OTULIN: variants seen among roughly 807,000 people sequenced by gnomAD.
OTULIN encodes ubiquitin thioesterase otulin.
In OTULIN, 15 loss-of-function variants were observed where a neutral mutation model predicts 39.6. The ratio of observed to expected loss-of-function variants is 0.38; its 90% CI spans 0.25 to 0.58. The LOEUF (loss-of-function observed/expected upper bound fraction) is 0.58. Among genes scored for constraint, OTULIN ranks in the 20% least tolerant of loss-of-function variants. The pLI is 0.66. For missense variants in OTULIN, 319 were observed against 445.9 expected (o/e 0.72, Z 2.56); for synonymous variants, 156 against 170.3 (o/e 0.92, Z 0.65).
chr5:14,703,588 A>C (rs1207605002), downstream of OTULIN, among the ~76,000 whole-genome samples: 1 of 152,110 alleles, frequency 6.6e-6, no homozygotes, highest in Non-Finnish European at 1.5e-5. Flanking sequence ...AGGGGAAAGC[A>C]TGGGTTGGGG....
intron 5 of OTULIN, among the ~76,000 whole-genome samples, chr5:14,688,167 AT>A (rs1736432764): frequency 6.6e-6 from 1 of 152,020 alleles, no homozygotes; most frequent in South Asian, 2.1e-4. Flanking sequence ...ATTCCTATTG[AT>A]TTGGTCTTTG....
At position 14,690,181 on chromosome 5, in the gene OTULIN, A is replaced by T; in HGVS notation, c.737A>T (p.Asp246Val). ...AACAGAGCCATTGAACTATATAATG[A>T]TAAAGAGAAAGGAAAGGAAGTACCA... ...MLNRAIELYN[D>V]KEKGKEVPFF... The change falls in exon 6 of 7, where the codon GAT becomes GTT. Residue 246 changes from aspartate (D) to valine (V), a missense_variant. Physicochemically the swap from Asp to Val is radical, Grantham distance 152. Around this residue, in one of 4 missense-constraint regions of OTULIN, gnomAD observed 106 missense variants for 192.8 expected, o/e 0.55. Transcript: ENST00000284274. This position sits in a 1 kb window ranked among gnomAD's most constrained non-coding sequence, Gnocchi z 4.5. 1 of 1,614,230 alleles carries T rather than the reference A, an allele frequency of 6.2e-7. No individual in the cohort carries two copies. Among genetic ancestry groups the T allele is most frequent in the Non-Finnish European group, 8.5e-7 (1 of 1,180,036 alleles).
intron 2 of OTULIN, among the ~76,000 whole-genome samples, chr5:14,675,124 C>G (rs1020056773): frequency 1.3e-5 from 2 of 152,158 alleles, no homozygotes; most frequent in Non-Finnish European, 2.9e-5. Context: ...GATGTCTTAT[C>G]CTTCTTAGTG....
chr5:14,710,727 G>T, the OTULIN span: 2 of 198,308 alleles, frequency 1.0e-5, no homozygotes, highest in African/African-American at 2.3e-5. Context: ...CCATCTCTTT[G>T]TACGGCCATG....
chr5:14,689,768 T>A (rs771160585), intron 5 of OTULIN, among the ~76,000 whole-genome samples: 4 of 152,342 alleles, frequency 2.6e-5, no homozygotes, highest in Non-Finnish European at 2.9e-5. Context: ...TCAATCTCAT[T>A]GCCTGGGAAG....
chr5:14,711,141 A>C, the OTULIN span: 1 of 1,399,618 alleles, frequency 7.1e-7, no homozygotes, highest in African/African-American at 1.4e-5. Context: ...GGAAGAGATG[A>C]TGCCGAAGTG....
At chr5:14,702,322 G>A (rs1736813275), downstream of OTULIN, among the ~76,000 whole-genome samples, 1 of 152,160 alleles carries the variant, frequency 6.6e-6, no homozygotes, top group Non-Finnish European at 1.5e-5. Flanking sequence ...GATGTTGGGA[G>A]GTGACTGGAT....
chr5:14,712,837 T>C, the OTULIN span: 2 of 1,562,836 alleles, frequency 1.3e-6, no homozygotes, highest in Non-Finnish European at 1.7e-6. Context: ...CCCAGGAGGA[T>C]GCACCCGGGA....
At position 14,686,567 on chromosome 5, in the gene OTULIN, G is replaced by A. The variant is rs375911427; in HGVS notation, c.469-954G>A. 5.4e-4 allele frequency among the ~76,000 whole-genome samples: 82 copies of A among 152,278 alleles called. 2 individuals are homozygous for A. The South Asian group carries it at 0.017, about 31-fold the overall frequency. On this transcript the variant is annotated intron_variant, in intron 4 of 6. Coordinates refer to ENST00000284274, the MANE Select transcript of OTULIN (RefSeq NM_138348.6). ...GCTAAACAAGGTCAGGTTCCTCATAGGATATTGTAGGATTTAATTATTCTT... is the reference window on the plus strand; with the variant it reads ...GCTAAACAAGGTCAGGTTCCTCATAAGATATTGTAGGATTTAATTATTCTT...
chr5:14,713,521 C>A, the OTULIN span: 1 of 1,613,712 alleles, frequency 6.2e-7, no homozygotes, highest in Admixed American at 1.7e-5. The surrounding 1 kb of genome is among the most constrained non-coding windows in gnomAD (Gnocchi z 4.4). Context: ...GGACCCACAG[C>A]CCCAAACTCC....
chr5:14,665,475 T>G (rs1735812962), intron 1 of OTULIN, among the ~76,000 whole-genome samples: 1 of 152,208 alleles, frequency 6.6e-6, no homozygotes, highest in Admixed American at 6.5e-5. Flanking sequence ...CTGACTAGTA[T>G]GCCTTCCCGC....
the OTULIN span, among the ~76,000 whole-genome samples, chr5:14,711,879 G>T: frequency 2.0e-5 from 3 of 150,914 alleles, no homozygotes; most frequent in Non-Finnish European, 4.4e-5. Context: ...GCCACTGCTG[G>T]GTCACTGCAG....
chr5:14,676,763 T>C (rs188325284), intron 2 of OTULIN, among the ~76,000 whole-genome samples: 51 of 152,320 alleles, frequency 3.3e-4, no homozygotes, highest in African/African-American at 1.1e-3. Flanking sequence ...GGAGGAAAAA[T>C]GTGGACCAAT....
the OTULIN span, chr5:14,707,477 A>C: frequency 6.6e-6 from 1 of 152,180 alleles, no homozygotes; most frequent in Non-Finnish European, 1.5e-5. Flanking sequence ...TAAGTGAATA[A>C]ATTTTGAGAG....
intron 4 of OTULIN, 118 bp downstream of exon 4, chr5:14,681,725 G>T: frequency 8.4e-7 from 1 of 1,186,446 alleles, no homozygotes. Context: ...CAGCATGTGC[G>T]TTTATTCAGT....
intron 1 of OTULIN, among the ~76,000 whole-genome samples, chr5:14,672,347 T>TC (rs543056473): frequency 6.6e-6 from 1 of 152,128 alleles, no homozygotes; most frequent in Admixed American, 6.6e-5. Context: ...ATGTGAGACT[T>TC]CCTTCCTCAG....
intron 1 of OTULIN, among the ~76,000 whole-genome samples, chr5:14,672,831 C>T (rs1175467752): frequency 6.6e-6 from 1 of 152,148 alleles, no homozygotes; most frequent in Non-Finnish European, 1.5e-5. Context: ...TTTCACCTGT[C>T]TTCTGGTTTC....
intron 1 of OTULIN, among the ~76,000 whole-genome samples, chr5:14,667,319 A>G (rs1560989952): frequency 6.6e-6 from 1 of 152,200 alleles, no homozygotes. Context: ...AGCTCATCGC[A>G]TTTCACACGT....
intron 5 of OTULIN, among the ~76,000 whole-genome samples, 176 bp from the exon 6 acceptor site, chr5:14,689,863 A>G (rs531715756): frequency 6.6e-6 from 1 of 152,352 alleles, no homozygotes; most frequent in South Asian, 2.1e-4. Context: ...AAAGCTGAAT[A>G]AGGAGTTTGT....
Sources: gnomAD v4.1 joint callset for allele counts (sites outside exome capture counted in the v4.1 genomes callset) on GRCh38, gnomAD v4.1.1 for gene constraint, gnomAD v4.1.1 regional missense constraint, Gnocchi (gnomAD v3.1) non-coding constraint, MANE v1.5 for transcripts, NCBI Gene and HGNC (gene_info 2026-07-23, HGNC 2026-07-21) for gene names.